Variants in CACNA2D3 observed in about 807,000 individuals in gnomAD.
CACNA2D3 encodes voltage-dependent calcium channel subunit alpha-2/delta-3.
In CACNA2D3, 60 loss-of-function variants were observed where a neutral mutation model predicts 160.6. That is an observed-to-expected ratio of 0.37 (90% CI 0.30 to 0.46). The LOEUF (loss-of-function observed/expected upper bound fraction) is 0.46, where lower values mean the gene tolerates loss of function less well. CACNA2D3 is among the 20% of genes least tolerant of loss of function. The probability of loss-of-function intolerance (pLI) is 1.00; values close to 1 mark genes in which losing one functional copy is unlikely to be tolerated. For missense variants in CACNA2D3, 1,205 were observed against 1,365.0 expected (o/e 0.88, Z 1.85); for synonymous variants, 558 against 492.9 (o/e 1.13, Z -1.75).
intron 35 of CACNA2D3, among the ~76,000 whole-genome samples, chr3:55,025,164 GA>G (rs1342523814): frequency 6.6e-6 from 1 of 152,092 alleles, no homozygotes; most frequent in African/African-American, 2.4e-5. Context: ...TTCCTTATTA[GA>G]AATCGTAATT....
chr3:54,809,723 C>T (rs1030165627), intron 13 of CACNA2D3, among the ~76,000 whole-genome samples: 1 of 151,442 alleles, frequency 6.6e-6, no homozygotes, highest in Non-Finnish European at 1.5e-5. Context: ...CTCTCTCCCC[C>T]CTTCCTTTTT....
At chr3:54,328,356 A>G (rs575514189) in intron 3 of CACNA2D3, among the ~76,000 whole-genome samples, 63 of 152,284 alleles carry the variant, frequency 4.1e-4, no homozygotes, top group Non-Finnish European at 6.8e-4. Context: ...ATCTTGGCTC[A>G]CTGCCACCTC....
intron 2 of CACNA2D3, among the ~76,000 whole-genome samples, chr3:54,246,740 A>AG (rs1702089078): frequency 6.6e-6 from 1 of 152,122 alleles, no homozygotes; most frequent in South Asian, 2.1e-4. Flanking sequence ...AACAAAAAAA[A>AG]GAGCCAGAAT....
chr3:54,442,585 C>T (rs1700161553), intron 4 of CACNA2D3, among the ~76,000 whole-genome samples: 1 of 152,174 alleles, frequency 6.6e-6, no homozygotes, highest in Non-Finnish European at 1.5e-5. Flanking sequence ...GGTGGGGTGG[C>T]TTTTCTGCTC....
chr3:54,903,599 T>C (rs1700388534), intron 27 of CACNA2D3, among the ~76,000 whole-genome samples: 2 of 152,242 alleles, frequency 1.3e-5, no homozygotes, highest in African/African-American at 4.8e-5. Flanking sequence ...AGTAGGATGG[T>C]AGTTCTGTTT....
chr3:54,902,984 T>C (rs1700372689), intron 27 of CACNA2D3, among the ~76,000 whole-genome samples: 1 of 152,208 alleles, frequency 6.6e-6, no homozygotes, highest in South Asian at 2.1e-4. Context: ...TAGCTATAAA[T>C]AAATAATAAC....
intron 4 of CACNA2D3, among the ~76,000 whole-genome samples, chr3:54,497,716 A>G (rs776788680): frequency 2.6e-5 from 4 of 152,048 alleles, no homozygotes; most frequent in Non-Finnish European, 5.9e-5. Context: ...CTTCATCAAT[A>G]TAATGTCAGA....
At chr3:54,215,341 A>T (rs568811396) in intron 2 of CACNA2D3, among the ~76,000 whole-genome samples, 2 of 152,334 alleles carry the variant, frequency 1.3e-5, no homozygotes, top group African/African-American at 4.8e-5. Flanking sequence ...TTTTGTGGTG[A>T]AAACATTTAA....
rs539730345 is a variant in CACNA2D3 at position 55,055,178 on chromosome 3, T to A, written c.2988-18267T>A. On this transcript the variant is annotated intron_variant, in intron 35 of 37. Coordinates refer to ENST00000474759, the MANE Select transcript of CACNA2D3 (RefSeq NM_018398.3). ...TTTCCCCTGTGTTTTCTGCTAGTAGTTTTATAGTATCTGGTGTTACATGTA... is the reference window on the plus strand; with the variant it reads ...TTTCCCCTGTGTTTTCTGCTAGTAGATTTATAGTATCTGGTGTTACATGTA... 9.9e-5 allele frequency among the ~76,000 whole-genome samples: 15 copies of A among 152,200 alleles called. No individual in the cohort carries two copies. The South Asian group carries it at 1.7e-3, about 17-fold the overall frequency.
intron 5 of CACNA2D3, among the ~76,000 whole-genome samples, chr3:54,549,730 C>T (rs570677540): frequency 2.1e-4 from 32 of 152,318 alleles, no homozygotes; most frequent in Non-Finnish European, 3.7e-4. Flanking sequence ...AATTGCTACA[C>T]GCATTTGTAC....
chr3:54,808,190 CAATTT>C (rs1703185159), intron 13 of CACNA2D3, among the ~76,000 whole-genome samples: 3 of 151,722 alleles, frequency 2.0e-5, no homozygotes, highest in Non-Finnish European at 4.4e-5. Context: ...ATGTACCCTA[CAATTT>C]AAAGTATAAT....
intron 9 of CACNA2D3, among the ~76,000 whole-genome samples, chr3:54,623,699 G>A (rs1246459211): frequency 1.3e-5 from 2 of 152,162 alleles, no homozygotes; most frequent in Non-Finnish European, 2.9e-5. Flanking sequence ...TGCAATGATG[G>A]CGATGTTCAT....
At chr3:54,945,784 G>C (rs1701597520) in intron 27 of CACNA2D3, among the ~76,000 whole-genome samples, 1 of 152,170 alleles carries the variant, frequency 6.6e-6, no homozygotes, top group African/African-American at 2.4e-5. Context: ...TGTATGTTGG[G>C]AATCAGGCAG....
At chr3:54,662,673 T>C (rs1699993677) in intron 11 of CACNA2D3, among the ~76,000 whole-genome samples, 2 of 152,250 alleles carry the variant, frequency 1.3e-5, no homozygotes, top group African/African-American at 4.8e-5. Context: ...GCAAGGATTT[T>C]GCTGCGCTTG....
chr3:54,646,941 C>T (rs1699664327), intron 11 of CACNA2D3, among the ~76,000 whole-genome samples: 1 of 152,150 alleles, frequency 6.6e-6, no homozygotes. Context: ...GAGAGACTCT[C>T]CCTGATGGTG....
At chr3:54,338,988 G>A (rs116202278) in intron 3 of CACNA2D3, among the ~76,000 whole-genome samples, 6 of 152,210 alleles carry the variant, frequency 3.9e-5, no homozygotes, top group Non-Finnish European at 8.8e-5. Flanking sequence ...GGATTATTTC[G>A]CAGTCTATAG....
chr3:54,987,305 G>A (rs1017987662), intron 30 of CACNA2D3, among the ~76,000 whole-genome samples: 24 of 152,160 alleles, frequency 1.6e-4, no homozygotes, highest in African/African-American at 5.8e-4. Flanking sequence ...TGCTTAGGAA[G>A]CCCTCTCATA....
At chr3:54,537,866 T>C (rs1247135652) in intron 5 of CACNA2D3, among the ~76,000 whole-genome samples, 1 of 152,140 alleles carries the variant, frequency 6.6e-6, no homozygotes, top group Non-Finnish European at 1.5e-5. Flanking sequence ...ACCTTGGCCT[T>C]TGTTTCTGGC....
chr3:54,810,618 C>T (rs1703282064), intron 13 of CACNA2D3, among the ~76,000 whole-genome samples: 1 of 152,196 alleles, frequency 6.6e-6, no homozygotes, highest in African/African-American at 2.4e-5. Flanking sequence ...ATATGTAGGC[C>T]AGGCTTTTTT....
Sources: gnomAD v4.1 joint callset for allele counts (sites outside exome capture counted in the v4.1 genomes callset) on GRCh38, gnomAD v4.1.1 for gene constraint, MANE v1.5 for transcripts, NCBI Gene and HGNC (gene_info 2026-07-23, HGNC 2026-07-21) for gene names.